ITPR2: variants seen among roughly 807,000 people sequenced by gnomAD.
The protein encoded by ITPR2 is inositol 1,4,5-trisphosphate receptor type 2.
A neutral mutation model predicts 317.1 loss-of-function variants in ITPR2; 207 were observed. That is an observed-to-expected ratio of 0.65 (90% CI 0.58 to 0.73). ITPR2 has a LOEUF of 0.73. Among genes scored for constraint, ITPR2 ranks in the 30% least tolerant of loss-of-function variants. The pLI is 0.00. For missense variants in ITPR2, 2,613 were observed against 3,284.0 expected (o/e 0.80, Z 4.99); for synonymous variants, 1,156 against 1,149.1 (o/e 1.01, Z -0.12).
rs185059892 is a variant in ITPR2 at position 26,582,142 on chromosome 12, C to T, written c.4381-1987G>A. Among the ~76,000 whole-genome samples the T allele has an allele frequency of 3.3e-3, 503 of 152,244 alleles. 4 individuals are homozygous for T. Among genetic ancestry groups the T allele is most frequent in the African/African-American group, 0.012 (483 of 41,532 alleles). ...TCAAATAATTTTTCAAGATGTTTTT[C>T]CTGTCCCCTATGAATGATAACATTT... On this transcript the variant is annotated intron_variant, in intron 32 of 56. Coordinates refer to ENST00000381340, the MANE Select transcript of ITPR2 (RefSeq NM_002223.4).
Position 26,436,292 on chromosome 12 carries a change from G to C in ITPR2, c.6698C>G (p.Ser2233Cys). Residue 2233 changes from serine (S) to cysteine (C), a missense_variant, in exon 48 of 57, where the codon TCC (serine) becomes TGC (cysteine). Coordinates refer to ENST00000381340, the MANE Select transcript of ITPR2 (RefSeq NM_002223.4). The stretch of plus-strand genomic sequence containing the variant: ...ATTGATGAACACAGCCAGGTTGAAG[G>C]AAATGCTCCCCCAGAGAGAGATGTG... ...SRHISLWGSI[S>C]FNLAVFINLA... 6.2e-7 allele frequency: 1 copy of C among 1,613,384 alleles called. No homozygotes were observed. Among genetic ancestry groups the C allele is most frequent in the Non-Finnish European group, 8.5e-7 (1 of 1,179,594 alleles).
intron 21 of ITPR2, among the ~76,000 whole-genome samples, chr12:26,642,953 C>G (rs183389601): frequency 7.4e-4 from 113 of 152,256 alleles, no homozygotes; most frequent in African/African-American, 2.6e-3. Context: ...TTGTGTCCCC[C>G]CGAAATTCAT....
At chr12:26,516,110 T>A (rs1943483008) in intron 37 of ITPR2, among the ~76,000 whole-genome samples, 1 of 138,006 alleles carries the variant, frequency 7.2e-6, no homozygotes, top group Non-Finnish European at 1.5e-5. Flanking sequence ...GGTGACAGAG[T>A]GAGACCCTGT....
intron 45 of ITPR2, among the ~76,000 whole-genome samples, chr12:26,453,970 C>T (rs535886020): frequency 3.9e-5 from 6 of 152,156 alleles, no homozygotes; most frequent in African/African-American, 1.4e-4. Flanking sequence ...GTGTCTGGCA[C>T]ACAAGAGTTG....
At chr12:26,796,927 C>T (rs1592139651) in intron 1 of ITPR2, among the ~76,000 whole-genome samples, 1 of 151,956 alleles carries the variant, frequency 6.6e-6, no homozygotes, top group Non-Finnish European at 1.5e-5. Context: ...ATCCCAGCTA[C>T]TCGGGAGGCT....
At chr12:26,593,667 T>C (rs911827666) in intron 32 of ITPR2, among the ~76,000 whole-genome samples, 1 of 152,140 alleles carries the variant, frequency 6.6e-6, no homozygotes, top group African/African-American at 2.4e-5. Context: ...GAAATTCCCC[T>C]AGAGCTTTAA....
At chr12:26,632,150 C>G (rs917361771) in intron 21 of ITPR2, 91 bp from the exon 22 acceptor site, 1 of 986,916 alleles carries the variant, frequency 1.0e-6, no homozygotes, top group Admixed American at 2.8e-5. Context: ...CACTGAAAAG[C>G]AGCCAGGAAA....
At chr12:26,625,006 T>TA (rs993604086) in intron 23 of ITPR2, among the ~76,000 whole-genome samples, 26 of 151,760 alleles carry the variant, frequency 1.7e-4, no homozygotes, top group African/African-American at 5.3e-4. Flanking sequence ...ATTCAGCCAT[T>TA]AAAAAAAAGA....
intron 26 of ITPR2, among the ~76,000 whole-genome samples, chr12:26,606,029 T>C (rs772879114): frequency 1.3e-5 from 2 of 152,250 alleles, no homozygotes; most frequent in East Asian, 3.8e-4. Flanking sequence ...AAATTGGCTG[T>C]ATTCTTCATG....
chr12:26,358,631 G>A (rs568700992), intron 55 of ITPR2, among the ~76,000 whole-genome samples: 2 of 152,104 alleles, frequency 1.3e-5, no homozygotes, highest in Middle Eastern at 3.4e-3. Flanking sequence ...AGTGAATTCT[G>A]TGTATTACAA....
chr12:26,399,914 A>C (rs533724306), intron 53 of ITPR2, among the ~76,000 whole-genome samples: 6 of 152,366 alleles, frequency 3.9e-5, no homozygotes, highest in Admixed American at 1.3e-4. Flanking sequence ...TTAACTTGGA[A>C]ACATTTCACC....
chr12:26,585,700 C>T (rs7310278), intron 32 of ITPR2, among the ~76,000 whole-genome samples: 93,363 of 152,034 alleles, frequency 0.61, 29,433 homozygotes, highest in Non-Finnish European at 0.69. Flanking sequence ...CCACTACACC[C>T]GACCCTTTAT....
intron 56 of ITPR2, among the ~76,000 whole-genome samples, 191 bp from the exon 57 acceptor site, chr12:26,339,674 T>C (rs1300588193): frequency 1.3e-5 from 2 of 152,220 alleles, no homozygotes; most frequent in African/African-American, 4.8e-5. Flanking sequence ...AACCCCTCTG[T>C]GTGGTTAGGA....
chr12:26,733,180 G>A (rs1949054086), intron 2 of ITPR2, among the ~76,000 whole-genome samples: 1 of 151,936 alleles, frequency 6.6e-6, no homozygotes, highest in African/African-American at 2.4e-5. Flanking sequence ...CAGGCGCAGT[G>A]GCGTGTGCCT....
At chr12:26,389,057 C>A (rs185498476) in intron 54 of ITPR2, among the ~76,000 whole-genome samples, 4 of 152,192 alleles carry the variant, frequency 2.6e-5, no homozygotes, top group African/African-American at 4.8e-5. Flanking sequence ...CCACTTCTCA[C>A]CCGCTCTGCT....
chr12:26,629,587 A>AG (rs954144993), intron 22 of ITPR2, among the ~76,000 whole-genome samples: 45 of 115,882 alleles, frequency 3.9e-4, no homozygotes, highest in African/African-American at 1.4e-3. Context: ...CCCTGTCTCA[A>AG]AAAAAAAAAA....
chr12:26,608,280 G>A (rs772610424), intron 26 of ITPR2, among the ~76,000 whole-genome samples: 4 of 152,098 alleles, frequency 2.6e-5, no homozygotes, highest in African/African-American at 9.7e-5. Flanking sequence ...AAAAAAGTTC[G>A]TGCCACTGGG....
intron 13 of ITPR2, among the ~76,000 whole-genome samples, chr12:26,681,619 A>G (rs556685042): frequency 6.6e-6 from 1 of 152,348 alleles, no homozygotes; most frequent in South Asian, 2.1e-4. Context: ...TTAAAAAAGA[A>G]TGACCAGAAA....
intron 32 of ITPR2, among the ~76,000 whole-genome samples, chr12:26,582,055 GAA>G (rs150075606): frequency 0.014 from 2,089 of 152,236 alleles, 42 homozygotes; most frequent in African/African-American, 0.048. Context: ...CCAGGGTTAT[GAA>G]AAGTCTGTGT....
Sources: gnomAD v4.1 joint callset for allele counts (sites outside exome capture counted in the v4.1 genomes callset) on GRCh38, gnomAD v4.1.1 for gene constraint, MANE v1.5 for transcripts, NCBI Gene and HGNC (gene_info 2026-07-23, HGNC 2026-07-21) for gene names.